The following SUCO variants were observed in gnomAD, a reference collection of about 807,000 sequenced individuals.
SUCO encodes the protein SUN domain containing ossification factor, also known as SUN domain-containing ossification factor.
A neutral mutation model predicts 148.1 loss-of-function variants in SUCO; 57 were observed. The observed-to-expected ratio is 0.38, with a 90% confidence interval of 0.31 to 0.48. The LOEUF is 0.48. SUCO is among the 20% of genes least tolerant of loss of function. The pLI, the probability that SUCO is intolerant of heterozygous loss-of-function variation, is 0.96. For missense variants in SUCO, 1,331 were observed against 1,468.2 expected (o/e 0.91, Z 1.53); for synonymous variants, 470 against 502.7 (o/e 0.93, Z 0.87).
Position 172,606,708 on chromosome 1 carries a change from G to A in SUCO, c.3266-2039G>A, listed in dbSNP as rs369102908. 5.9e-5 allele frequency among the ~76,000 whole-genome samples: 9 copies of A among 151,658 alleles called. 1 individual carries two copies. In the East Asian group the frequency reaches 9.7e-4, roughly 16 times the overall value. The stretch of plus-strand genomic sequence containing the variant: ...CTTTTTCTTTATCATTTTGAGATTC[G>A]TGAGGCTCTTTGGAGCTCTGGATTT... On this transcript the variant is annotated intron_variant, in intron 22 of 23. Coordinates refer to ENST00000263688, the MANE Select transcript of SUCO (RefSeq NM_014283.5).
chr1:172,576,623 C>T (rs1655459381), intron 11 of SUCO, among the ~76,000 whole-genome samples: 1 of 151,490 alleles, frequency 6.6e-6, no homozygotes, highest in South Asian at 2.1e-4. Flanking sequence ...GAGGCAAAAA[C>T]GTTAAAAATC....
At chr1:172,537,793 A>G (rs1291130082) in intron 1 of SUCO, among the ~76,000 whole-genome samples, 1 of 152,228 alleles carries the variant, frequency 6.6e-6, no homozygotes, top group East Asian at 1.9e-4. Context: ...CAAATATAAC[A>G]GGTACTTACA....
At chr1:172,570,232 G>T (rs1056514708) in intron 8 of SUCO, 61 bp downstream of exon 8, 10 of 1,021,652 alleles carry the variant, frequency 9.8e-6, no homozygotes, top group Admixed American at 2.5e-5. Flanking sequence ...TAAAATACAG[G>T]TTATTTGTTT....
Position 172,585,106 on chromosome 1 carries a change from G to C in SUCO, c.1567+20G>C. ...CAGAAGGTACCTAATCATTTTATGGGTCTTTTAAATAGCTGGTACTCCAGG... is the reference window on the plus strand; with the variant it reads ...CAGAAGGTACCTAATCATTTTATGGCTCTTTTAAATAGCTGGTACTCCAGG... On this transcript the variant is annotated intron_variant, in intron 16 of 23. Coordinates refer to ENST00000263688, the MANE Select transcript of SUCO (RefSeq NM_014283.5). 2 of 1,563,894 alleles carry C rather than the reference G, an allele frequency of 1.3e-6. No homozygotes were observed. Among genetic ancestry groups the C allele is most frequent in the Non-Finnish European group, 1.7e-6 (2 of 1,146,726 alleles).
chr1:172,561,719 C>T (rs1213972479), intron 6 of SUCO, among the ~76,000 whole-genome samples: 2 of 152,146 alleles, frequency 1.3e-5, no homozygotes, highest in African/African-American at 2.4e-5. Flanking sequence ...ACCCACTCAC[C>T]TCTACTCTTG....
chr1:172,590,586 C>T (rs527820848), intron 18 of SUCO, among the ~76,000 whole-genome samples: 1 of 152,182 alleles, frequency 6.6e-6, no homozygotes, highest in East Asian at 1.9e-4. Flanking sequence ...GTCCAGAGTT[C>T]CTGAAACACC....
chr1:172,559,218 G>A lies in SUCO; in HGVS notation c.732+1424G>A, dbSNP rs560335394. 2.6e-5 allele frequency among the ~76,000 whole-genome samples: 4 copies of A among 152,272 alleles called. 1 individual carries two copies. The highest frequency in any genetic ancestry group is 9.6e-5 in the African/African-American group (4 of 41,558). On this transcript the variant is annotated intron_variant, in intron 6 of 23. Transcript: ENST00000263688. ...AACTGATTTTGTTGTATTGTTTATA[G>A]ACAGTGCATTACAAAGTGATTTTTA...
At chr1:172,601,753 G>A (rs1465871147) in intron 20 of SUCO, among the ~76,000 whole-genome samples, 1 of 152,116 alleles carries the variant, frequency 6.6e-6, no homozygotes. Flanking sequence ...AGGAGATAGT[G>A]TAAATGGAAA....
chr1:172,580,630 A>T (rs1655810804), intron 15 of SUCO, among the ~76,000 whole-genome samples: 2 of 152,164 alleles, frequency 1.3e-5, no homozygotes, highest in African/African-American at 4.8e-5. Flanking sequence ...TTATTATTTT[A>T]TGGGGTCAGA....
chr1:172,542,268 C>T (rs922335298), intron 1 of SUCO, among the ~76,000 whole-genome samples: 12 of 151,980 alleles, frequency 7.9e-5, no homozygotes, highest in Admixed American at 2.6e-4. Context: ...TGTAATCCCA[C>T]CTACTTGGGA....
At chr1:172,542,675 T>C in intron 1 of SUCO, 1 of 954,486 alleles carries the variant, frequency 1.0e-6, no homozygotes, top group Non-Finnish European at 1.2e-6. Context: ...GGCAAAGTAG[T>C]CTTCCATGAA....
intron 6 of SUCO, among the ~76,000 whole-genome samples, chr1:172,558,540 T>C (rs1653911053): frequency 6.6e-6 from 1 of 151,462 alleles, no homozygotes; most frequent in Non-Finnish European, 1.5e-5. Context: ...TGGGGATCTT[T>C]TGTTCTCTGC....
chr1:172,568,940 A>C, intron 6 of SUCO, 79 bp from the exon 7 acceptor site: 1 of 1,287,672 alleles, frequency 7.8e-7, no homozygotes, highest in Non-Finnish European at 1.0e-6. Flanking sequence ...AATTTGACAG[A>C]AACATTTGTA....
At chr1:172,545,793 A>C (rs1462974761) in intron 1 of SUCO, among the ~76,000 whole-genome samples, 1 of 152,248 alleles carries the variant, frequency 6.6e-6, no homozygotes, top group Non-Finnish European at 1.5e-5. Flanking sequence ...CAGGCTAAGC[A>C]TAGCATATAC....
chr1:172,551,423 C>G (rs1653287521), intron 1 of SUCO, 89 bp from the exon 2 acceptor site: 1 of 701,616 alleles, frequency 1.4e-6, no homozygotes, highest in Non-Finnish European at 2.4e-6. Flanking sequence ...CAAATTCTAG[C>G]CCATATAGAA....
At chr1:172,556,565 C>T in intron 4 of SUCO, 4 of 967,088 alleles carry the variant, frequency 4.1e-6, no homozygotes, top group Non-Finnish European at 4.9e-6. Flanking sequence ...CTTAATACTA[C>T]ATTAAGCATT....
chr1:172,568,227 T>A (rs1654697611), intron 6 of SUCO: 5 of 834,488 alleles, frequency 6.0e-6, no homozygotes, highest in South Asian at 1.1e-4. Context: ...ATATGATATC[T>A]CAGGCTTTCA....
At chr1:172,597,001 C>T (rs1318737534) in intron 19 of SUCO, among the ~76,000 whole-genome samples, 1 of 152,244 alleles carries the variant, frequency 6.6e-6, no homozygotes, top group African/African-American at 2.4e-5. Context: ...ATGCCCCTCC[C>T]CTAGCCTCAC....
intron 19 of SUCO, among the ~76,000 whole-genome samples, chr1:172,591,880 G>A (rs1015548647): frequency 5.3e-5 from 8 of 152,174 alleles, no homozygotes; most frequent in African/African-American, 9.7e-5. Context: ...GGTTGAACTA[G>A]TTTACAGTCC....
Sources: allele counts gnomAD v4.1 joint callset (sites outside exome capture counted in the v4.1 genomes callset), GRCh38; gene constraint gnomAD v4.1.1; transcripts MANE v1.5; gene names NCBI Gene and HGNC (gene_info 2026-07-23, HGNC 2026-07-21).